Variants in CDO1 observed in about 807,000 individuals in gnomAD.
CDO1 encodes the protein cysteine dioxygenase type 1.
CDO1 carries 19 observed loss-of-function variants against 24.5 expected under a neutral mutation model. The ratio of observed to expected loss-of-function variants is 0.77; its 90% CI spans 0.54 to 1.14. The LOEUF (loss-of-function observed/expected upper bound fraction) is 1.14, where lower values mean the gene tolerates loss of function less well. CDO1 is among the 50% of genes most tolerant of loss of function. The pLI, the probability that CDO1 is intolerant of heterozygous loss-of-function variation, is 0.00. For missense variants in CDO1, 244 were observed against 244.8 expected, an observed-to-expected ratio of 1.00 and a Z score of 0.02; for synonymous variants, 91 against 87.0, an observed-to-expected ratio of 1.05 and a Z score of -0.26.
intron 3 of CDO1, among the ~76,000 whole-genome samples, chr5:115,808,643 A>G (rs1003078918): frequency 1.3e-5 from 2 of 152,184 alleles, no homozygotes; most frequent in African/African-American, 4.8e-5. Flanking sequence ...CCCCTGGCCT[A>G]GAGATCAACG....
chr5:115,805,891 A>G (rs954263148), intron 4 of CDO1, among the ~76,000 whole-genome samples: 7 of 152,338 alleles, frequency 4.6e-5, no homozygotes, highest in Middle Eastern at 3.4e-3. Flanking sequence ...ATGTTAGTAT[A>G]GTCTATTCTT....
chr5:115,816,297 T>C lies in CDO1; in HGVS notation c.101A>G (p.Gln34Arg). ...AGDEVNVEEV[Q>R]AIMEAYESDP... ...GCTCTCGTAGGCTTCCATGATGGCC[T>C]GCACCTCCTCTACATTGACCTCATC... Residue 34 changes from glutamine (Q) to arginine (R), a missense_variant, in exon 1 of 5, where the codon CAG (glutamine) becomes CGG (arginine). Gln to Arg is a conservative substitution (Grantham distance 43). Transcript: ENST00000250535. 6.2e-7 allele frequency: 1 copy of C among 1,614,196 alleles called. No individual in the cohort carries two copies. Among genetic ancestry groups the C allele is most frequent in the Non-Finnish European group, 8.5e-7 (1 of 1,180,032 alleles).
At chr5:115,812,885 T>C (rs1036859031) in intron 2 of CDO1, among the ~76,000 whole-genome samples, 3 of 151,638 alleles carry the variant, frequency 2.0e-5, no homozygotes, top group Non-Finnish European at 2.9e-5. Context: ...CCATCTCTAC[T>C]AAAAATACAA....
intron 4 of CDO1, 42 bp from the exon 5 acceptor site, chr5:115,805,504 A>G: frequency 6.3e-7 from 1 of 1,597,760 alleles, no homozygotes. Context: ...AAGAAACTTT[A>G]CAAAAGACAT....
chr5:115,813,265 A>T lies in CDO1; in HGVS notation c.171-7T>A, dbSNP rs1439762842. The stretch of plus-strand genomic sequence containing the variant: ...CACAAGATTTCGGGTATACCTAAAA[A>T]AAAACAATATATTCAGAAGTTTTAA... On this transcript the variant is annotated splice_region_variant and splice_polypyrimidine_tract_variant and intron_variant, in intron 1 of 4. Coordinates refer to ENST00000250535, the MANE Select transcript of CDO1 (RefSeq NM_001801.3). The T allele has an allele frequency of 6.7e-7, 1 of 1,493,530 alleles. No individual in the cohort carries two copies. Among genetic ancestry groups the T allele is most frequent in the East Asian group, 2.3e-5 (1 of 44,254 alleles). The allele number at this position is 1,493,530 out of a possible 1,614,324, so 92.5% of individuals were successfully genotyped here. A position where few individuals can be genotyped will look rare whatever the true frequency, so the allele number is the denominator to read the frequency against.
chr5:115,806,224 T>A (rs542675649), intron 4 of CDO1, 125 bp downstream of exon 4: 23 of 508,892 alleles, frequency 4.5e-5, no homozygotes, highest in African/African-American at 3.8e-4. Flanking sequence ...TCGCTAAAGT[T>A]AAATAAAACA....
chr5:115,812,303 A>G (rs1226848571), intron 2 of CDO1, among the ~76,000 whole-genome samples: 1 of 152,220 alleles, frequency 6.6e-6, no homozygotes, highest in Non-Finnish European at 1.5e-5. Flanking sequence ...TACCATTCTC[A>G]AGACTGAGAA....
chr5:115,807,861 T>C (rs1360877110), intron 3 of CDO1, among the ~76,000 whole-genome samples: 2 of 151,804 alleles, frequency 1.3e-5, no homozygotes, highest in Admixed American at 6.6e-5. Flanking sequence ...ACAAGATACA[T>C]CACTGTGAAA....
At position 115,815,832 on chromosome 5, in the gene CDO1, A is replaced by C. The variant is rs551853957; in HGVS notation, c.170+396T>G. Among the ~76,000 whole-genome samples, 23 of 152,318 alleles carry C rather than the reference A, an allele frequency of 1.5e-4. No homozygotes were observed. The South Asian group carries it at 1.7e-3, about 11-fold the overall frequency. On this transcript the variant is annotated intron_variant, in intron 1 of 4. Coordinates refer to ENST00000250535, the MANE Select transcript of CDO1 (RefSeq NM_001801.3). ...CCGAACCTGAGTGCGGTCTCTCCGC[A>C]TCTCCGCGCCCGGGGTTAACGATGG...
chr5:115,811,351 A>C, intron 2 of CDO1, 36 bp from the exon 3 acceptor site: 1 of 1,545,880 alleles, frequency 6.5e-7, no homozygotes, highest in Non-Finnish European at 8.9e-7. Flanking sequence ...AACTCAGTAG[A>C]TGGTCTAGTA....
chr5:115,815,474 G>GA (rs1300483216), intron 1 of CDO1, among the ~76,000 whole-genome samples: 10 of 151,936 alleles, frequency 6.6e-5, no homozygotes, highest in African/African-American at 2.2e-4. Flanking sequence ...TTTGGGGGCT[G>GA]AAAAAAACGA....
chr5:115,815,486 G>C (rs1162651570), intron 1 of CDO1, among the ~76,000 whole-genome samples: 2 of 152,090 alleles, frequency 1.3e-5, no homozygotes, highest in Non-Finnish European at 2.9e-5. Context: ...AAAAAACGAC[G>C]GTCGAATATT....
At chr5:115,811,417 CTA>C in intron 2 of CDO1, 102 bp from the exon 3 acceptor site, 1 of 764,518 alleles carries the variant, frequency 1.3e-6, no homozygotes, top group Non-Finnish European at 2.1e-6. Context: ...TGTCAATAAG[CTA>C]TCTCCCCAGC....
At chr5:115,814,879 T>C (rs2112695861) in intron 1 of CDO1, among the ~76,000 whole-genome samples, 1 of 152,296 alleles carries the variant, frequency 6.6e-6, no homozygotes, top group South Asian at 2.1e-4. Flanking sequence ...GAAGAGTACC[T>C]GTCCCATAAC....
In CDO1 at chr5:115,806,296, G is replaced by A. The variant is rs1312215776; in HGVS notation, c.573+53C>T. 6.2e-6 allele frequency: 8 copies of A among 1,284,680 alleles called. No individual in the cohort carries two copies. In the Admixed American group the frequency reaches 1.8e-4, roughly 29 times the overall value. The allele number at this position is 1,284,680 out of a possible 1,614,324, so 79.6% of individuals were successfully genotyped here. ...TCATCTCATTCTTTGCATACATGCA[G>A]TGTAACAGTGCCAACCTACAGAGCA... On this transcript the variant is annotated intron_variant, in intron 4 of 4. Transcript: ENST00000250535.
chr5:115,806,326 A>G (rs1205048981), intron 4 of CDO1, 23 bp downstream of exon 4: 1 of 1,572,906 alleles, frequency 6.4e-7, no homozygotes, highest in Admixed American at 1.9e-5. Flanking sequence ...AGAGCATTTA[A>G]ACCTAGAAGA....
At chr5:115,809,178 C>T (rs373532800) in intron 3 of CDO1, among the ~76,000 whole-genome samples, 6 of 152,042 alleles carry the variant, frequency 3.9e-5, no homozygotes, top group African/African-American at 1.5e-4. Flanking sequence ...AAGCAAAGAC[C>T]CTGCAAAAAC....
rs563409722 is a variant in CDO1, at chr5:115,805,002, A to C, written c.*431T>G. ...AAAATTATCTTCCAATATTAAGAAC[A>C]TACAAAGTATACTAAAGACATCTAC... On this transcript the variant is annotated 3_prime_UTR_variant, in exon 5 of 5. Transcript: ENST00000250535. 6.4e-6 allele frequency: 1 copy of C among 155,818 alleles called. No homozygotes were observed. The highest frequency in any genetic ancestry group is 2.4e-5 in the African/African-American group (1 of 41,618). The allele number at this position is 155,818 out of a possible 1,614,324, so 9.7% of individuals were successfully genotyped here.
chr5:115,816,297 T>G lies in CDO1; in HGVS notation c.101A>C (p.Gln34Pro), dbSNP rs1256721744. ...GCTCTCGTAGGCTTCCATGATGGCC[T>G]GCACCTCCTCTACATTGACCTCATC... ...AGDEVNVEEV[Q>P]AIMEAYESDP... The change falls in exon 1 of 5, where the codon CAG becomes CCG. Residue 34 changes from glutamine (Q) to proline (P), a missense_variant. Coordinates refer to ENST00000250535, the MANE Select transcript of CDO1 (RefSeq NM_001801.3). The G allele has an allele frequency of 6.2e-7, 1 of 1,614,078 alleles. No individual in the cohort carries two copies. The highest frequency in any genetic ancestry group is 8.5e-7 in the Non-Finnish European group (1 of 1,180,040).
Sources: allele counts gnomAD v4.1 joint callset (sites outside exome capture counted in the v4.1 genomes callset), GRCh38; gene constraint gnomAD v4.1.1; transcripts MANE v1.5; gene names NCBI Gene and HGNC (gene_info 2026-07-23, HGNC 2026-07-21).